The following SOS1 variants were observed in gnomAD, a reference collection of about 807,000 sequenced individuals.
The protein encoded by SOS1 is son of sevenless homolog 1.
In SOS1, 25 loss-of-function variants were observed where a neutral mutation model predicts 157.6. That is an observed-to-expected ratio of 0.16 (90% CI 0.12 to 0.22). SOS1 has a LOEUF of 0.22. Among genes scored for constraint, SOS1 ranks in the 10% least tolerant of loss-of-function variants. SOS1 has a pLI of 1.00. For missense variants in SOS1, 1,237 were observed against 1,599.1 expected, an observed-to-expected ratio of 0.77 and a Z score of 3.86; for synonymous variants, 528 against 534.0, an observed-to-expected ratio of 0.99 and a Z score of 0.16.
chr2:38,998,285 T>C (rs1296892136), intron 17 of SOS1, among the ~76,000 whole-genome samples: 1 of 152,162 alleles, frequency 6.6e-6, no homozygotes, highest in Non-Finnish European at 1.5e-5. Flanking sequence ...AGTCTCACTC[T>C]GTCTCCCAGG....
In SOS1 at chr2:39,120,336, C is replaced by CT; in HGVS notation, c.86dup (p.Val30GlyfsTer12). On this transcript the variant is annotated frameshift_variant and splice_region_variant, in exon 1 of 23. Coordinates refer to ENST00000402219, the MANE Select transcript of SOS1 (RefSeq NM_005633.4). LOFTEE classifies it high-confidence loss of function. The stretch of plus-strand genomic sequence containing the variant: ...AAGCGGGGTCCCGCGTGCTCCTCAC[C>CT]TTTTTCAGCGCAGGCACCAGTAGTC... 1 of 1,583,242 alleles carries CT rather than the reference C, an allele frequency of 6.3e-7. No individual in the cohort carries two copies. The highest frequency in any genetic ancestry group is 8.6e-7 in the Non-Finnish European group (1 of 1,165,632).
chr2:39,020,133 A>C (rs1046063711), intron 10 of SOS1, among the ~76,000 whole-genome samples: 2 of 151,592 alleles, frequency 1.3e-5, no homozygotes, highest in Admixed American at 6.6e-5. Flanking sequence ...TCGTAATAGA[A>C]CTTCTGGGAA....
chr2:39,068,707 T>A (rs1034019635), intron 1 of SOS1, among the ~76,000 whole-genome samples: 21 of 152,086 alleles, frequency 1.4e-4, no homozygotes, highest in South Asian at 4.1e-4. Context: ...TTTTTTTTTT[T>A]ATGAAAAGTT....
chr2:39,012,554 T>G (rs1669501740), intron 13 of SOS1, among the ~76,000 whole-genome samples: 1 of 152,188 alleles, frequency 6.6e-6, no homozygotes, highest in Non-Finnish European at 1.5e-5. Flanking sequence ...GGGTAACCAC[T>G]GTTAATAGCC....
At chr2:38,997,096 A>G (rs1668919855) in intron 18 of SOS1, 58 bp from the exon 19 acceptor site, 1 of 1,099,430 alleles carries the variant, frequency 9.1e-7, no homozygotes, top group African/African-American at 1.6e-5. Context: ...TCAGTTTGAA[A>G]TTCATGGAAA....
At chr2:39,037,107 A>C (rs1670383852) in intron 6 of SOS1, among the ~76,000 whole-genome samples, 1 of 152,210 alleles carries the variant, frequency 6.6e-6, no homozygotes, top group African/African-American at 2.4e-5. Context: ...GCTGGCTCTT[A>C]GTTGACTTCC....
chr2:39,094,114 A>G (rs1039879168), intron 1 of SOS1, among the ~76,000 whole-genome samples: 1 of 152,148 alleles, frequency 6.6e-6, no homozygotes, highest in East Asian at 1.9e-4. Context: ...AAAAAATACT[A>G]AACAATGCCA....
At chr2:38,998,378 T>C (rs1054466122) in intron 17 of SOS1, among the ~76,000 whole-genome samples, 1 of 152,132 alleles carries the variant, frequency 6.6e-6, no homozygotes, top group African/African-American at 2.4e-5. Flanking sequence ...GCCTCCTGAG[T>C]AGCTGGGATT....
chr2:39,079,269 A>G (rs931503896), intron 1 of SOS1, among the ~76,000 whole-genome samples: 1 of 152,170 alleles, frequency 6.6e-6, no homozygotes, highest in African/African-American at 2.4e-5. Flanking sequence ...GGGCAAAAAT[A>G]TAAGTTACAG....
intron 15 of SOS1, chr2:39,007,403 G>A (rs1669315312): frequency 1.8e-6 from 1 of 553,774 alleles, no homozygotes; most frequent in Admixed American, 3.1e-5. Context: ...GACTGGTACA[G>A]TCAAACAATC....
chr2:39,120,798 G>A lies in SOS1; in HGVS notation c.-376C>T, dbSNP rs1038018772. Among the ~76,000 whole-genome samples, 1 of 149,894 alleles carries A rather than the reference G, an allele frequency of 6.7e-6. No individual in the cohort carries two copies. The highest frequency in any genetic ancestry group is 1.5e-5 in the Non-Finnish European group (1 of 67,356). ...CCGGGCCCGGTCTGGCCCCGCGGCG[G>A]AGCTGGCGGCTGGGGGAGGACGTGT... On this transcript the variant is annotated 5_prime_UTR_variant, in exon 1 of 23. Transcript: ENST00000402219.
At chr2:38,987,396 GAACTA>G in intron 22 of SOS1, 72 bp downstream of exon 22, 3 of 764,186 alleles carry the variant, frequency 3.9e-6, no homozygotes, top group South Asian at 2.9e-5. Context: ...ATCCTAGTGA[GAACTA>G]AACTAGACAG....
At chr2:39,105,262 T>C (rs952351110) in intron 1 of SOS1, among the ~76,000 whole-genome samples, 1 of 152,062 alleles carries the variant, frequency 6.6e-6, no homozygotes, top group African/African-American at 2.4e-5. Flanking sequence ...TCAAGACTTG[T>C]TTTTCATTTT....
chr2:39,034,258 G>C (rs1670266248), intron 8 of SOS1, among the ~76,000 whole-genome samples: 1 of 152,194 alleles, frequency 6.6e-6, no homozygotes, highest in Non-Finnish European at 1.5e-5. Context: ...GCAGAGACCT[G>C]AGAAAATGTA....
At chr2:39,060,748 T>A (rs372109076) in intron 2 of SOS1, among the ~76,000 whole-genome samples, 1 of 152,240 alleles carries the variant, frequency 6.6e-6, no homozygotes, top group South Asian at 2.1e-4. Flanking sequence ...AAAATGAGGG[T>A]TGGGCAATGC....
chr2:39,008,982 AG>A (rs909982872), intron 15 of SOS1, among the ~76,000 whole-genome samples: 7 of 152,080 alleles, frequency 4.6e-5, no homozygotes, highest in African/African-American at 1.7e-4. Context: ...AGGGGGTGGA[AG>A]GAACAGAAAC....
At position 39,094,135 on chromosome 2, in the gene SOS1, AT is replaced by A. The variant is rs568140332; in HGVS notation, c.87+26200del. 5.4e-3 allele frequency among the ~76,000 whole-genome samples: 816 copies of A among 150,128 alleles called. 5 individuals are homozygous for A. The highest frequency in any genetic ancestry group is 0.01 in the African/African-American group (421 of 41,002). Reference sequence around the variant, plus strand: ...TACTAAACAATGCCACTCTCTGCTAATTTTTTTTTTGTTTGTTTTGGAAAAC... The same window carrying A: ...TACTAAACAATGCCACTCTCTGCTAATTTTTTTTTGTTTGTTTTGGAAAAC... On this transcript the variant is annotated intron_variant, in intron 1 of 22. Coordinates refer to ENST00000402219, the MANE Select transcript of SOS1 (RefSeq NM_005633.4).
intron 6 of SOS1, among the ~76,000 whole-genome samples, chr2:39,045,269 A>T (rs200541847): frequency 2.1e-4 from 5 of 23,340 alleles, no homozygotes; most frequent in Admixed American, 5.3e-4. Context: ...AGAGAGAGAG[A>T]GAGAGTGTGT....
intron 1 of SOS1, among the ~76,000 whole-genome samples, chr2:39,086,068 A>G (rs958031117): frequency 1.3e-5 from 2 of 152,190 alleles, no homozygotes; most frequent in African/African-American, 4.8e-5. Context: ...ATTACATACC[A>G]ATATATTGCC....
Sources: gnomAD v4.1 joint callset for allele counts (sites outside exome capture counted in the v4.1 genomes callset) on GRCh38, gnomAD v4.1.1 for gene constraint, MANE v1.5 for transcripts, NCBI Gene and HGNC (gene_info 2026-07-23, HGNC 2026-07-21) for gene names.